The following NFIA variants were observed in gnomAD, a reference collection of about 807,000 sequenced individuals.
NFIA encodes the protein nuclear factor I A.
NFIA carries 8 observed loss-of-function variants against 62.8 expected under a neutral mutation model. The ratio of observed to expected loss-of-function variants is 0.13; its 90% CI spans 0.07 to 0.23. The LOEUF (loss-of-function observed/expected upper bound fraction) is 0.23. NFIA is among the 10% of genes least tolerant of loss of function. The pLI, the probability that NFIA is intolerant of heterozygous loss-of-function variation, is 1.00. For missense variants in NFIA, 410 were observed against 642.1 expected (o/e 0.64, Z 3.91); for synonymous variants, 235 against 238.1 (o/e 0.99, Z 0.12).
At chr1:61,257,024 T>C (rs1656442136) in intron 2 of NFIA, among the ~76,000 whole-genome samples, 2 of 152,224 alleles carry the variant, frequency 1.3e-5, no homozygotes, top group Non-Finnish European at 2.9e-5. Context: ...TTTTTTGTTT[T>C]GTTTTGTTTT....
upstream of NFIA, chr1:61,081,768 C>T (rs1425400167): frequency 2.6e-6 from 3 of 1,152,660 alleles, no homozygotes; most frequent in Admixed American, 4.9e-5. Context: ...TTCTGAATGC[C>T]ACAGGACCGA....
chr1:61,325,850 A>T lies in NFIA; in HGVS notation c.626-6662A>T, dbSNP rs376080592. Among the ~76,000 whole-genome samples, 13 of 148,632 alleles carry T rather than the reference A, an allele frequency of 8.7e-5. No homozygotes were observed. In the South Asian group the frequency reaches 1.5e-3, roughly 17 times the overall value. ...GGAGAATGGCATGAAAGATAATGGC[A>T]TGAAACCCAGAGGCGGAGCTTGCAG... On this transcript the variant is annotated intron_variant, in intron 3 of 10. Coordinates refer to ENST00000403491, the MANE Select transcript of NFIA (RefSeq NM_001134673.4).
intron 2 of NFIA, among the ~76,000 whole-genome samples, chr1:61,094,166 T>C (rs1217168151): frequency 6.6e-6 from 1 of 152,200 alleles, no homozygotes. Flanking sequence ...AATTTTCCCA[T>C]GGTTATTTAA....
chr1:61,373,199 G>A (rs1290165880), intron 6 of NFIA, among the ~76,000 whole-genome samples: 2 of 152,088 alleles, frequency 1.3e-5, no homozygotes, highest in Non-Finnish European at 2.9e-5. Flanking sequence ...CTAAGTAACA[G>A]GTGGAGGTCA....
intron 9 of NFIA, among the ~76,000 whole-genome samples, chr1:61,425,116 C>T (rs1454931059): frequency 1.3e-5 from 2 of 152,204 alleles, no homozygotes; most frequent in Non-Finnish European, 2.9e-5. Flanking sequence ...AGCCTCTGTT[C>T]AGTGCCGTTT....
chr1:61,432,857 T>C (rs929026759), intron 10 of NFIA, among the ~76,000 whole-genome samples: 2 of 152,036 alleles, frequency 1.3e-5, no homozygotes, highest in Non-Finnish European at 2.9e-5. Context: ...AAATGAATAT[T>C]CTACAGCACC....
intron 2 of NFIA, among the ~76,000 whole-genome samples, chr1:61,185,960 A>ATTATCTTT (rs1473056208): frequency 6.6e-6 from 1 of 152,194 alleles, no homozygotes; most frequent in Non-Finnish European, 1.5e-5. Flanking sequence ...TCCCACAAGG[A>ATTATCTTT]TGCAAACTAC....
At chr1:61,157,452 TA>T (rs746612875) in intron 2 of NFIA, among the ~76,000 whole-genome samples, 7 of 152,214 alleles carry the variant, frequency 4.6e-5, no homozygotes, top group Admixed American at 6.5e-5. Context: ...TCAAATTAAG[TA>T]ATGGATGGGC....
chr1:61,181,442 AT>A (rs1169502063), intron 2 of NFIA, among the ~76,000 whole-genome samples: 1 of 152,210 alleles, frequency 6.6e-6, no homozygotes, highest in Admixed American at 6.5e-5. Flanking sequence ...GAATATTTAC[AT>A]TTGTAACATA....
chr1:61,372,166 G>A (rs1185853251), intron 6 of NFIA, among the ~76,000 whole-genome samples: 1 of 152,046 alleles, frequency 6.6e-6, no homozygotes, highest in Non-Finnish European at 1.5e-5. Context: ...GGAGAAAAAA[G>A]GGTGAATCAT....
At chr1:61,079,783 G>C (rs891800081), upstream of NFIA, among the ~76,000 whole-genome samples, 6 of 152,166 alleles carry the variant, frequency 3.9e-5, no homozygotes, top group African/African-American at 1.4e-4. Context: ...CTCTGGACAA[G>C]GATTTACTTT....
At chr1:61,423,854 C>T (rs920484286) in intron 9 of NFIA, among the ~76,000 whole-genome samples, 1 of 152,018 alleles carries the variant, frequency 6.6e-6, no homozygotes, top group African/African-American at 2.4e-5. Flanking sequence ...TTCTTTCTTC[C>T]TTCCTTTATT....
intron 2 of NFIA, among the ~76,000 whole-genome samples, chr1:61,276,032 T>G (rs1326392821): frequency 6.6e-6 from 1 of 152,176 alleles, no homozygotes; most frequent in Non-Finnish European, 1.5e-5. Flanking sequence ...ATTTTGTTTG[T>G]GTCTTCTCTG....
chr1:61,147,340 G>A (rs1410471563), intron 2 of NFIA, among the ~76,000 whole-genome samples: 1 of 152,056 alleles, frequency 6.6e-6, no homozygotes. Context: ...TAGTAGAGAC[G>A]AGGTTTCACC....
chr1:61,423,212 C>T (rs887199419), intron 9 of NFIA, among the ~76,000 whole-genome samples: 2 of 150,256 alleles, frequency 1.3e-5, no homozygotes, highest in African/African-American at 4.9e-5. Context: ...TGGTTCATAG[C>T]GCTATTGCTA....
At chr1:61,198,418 G>T (rs1322403605) in intron 2 of NFIA, among the ~76,000 whole-genome samples, 2 of 152,176 alleles carry the variant, frequency 1.3e-5, no homozygotes, top group Non-Finnish European at 2.9e-5. Flanking sequence ...GTGCCTTGCT[G>T]TGTGTTCTGT....
chr1:61,280,582 A>G (rs1658072341), intron 3 of NFIA, among the ~76,000 whole-genome samples: 1 of 152,220 alleles, frequency 6.6e-6, no homozygotes, highest in African/African-American at 2.4e-5. Context: ...AAATGGTAAC[A>G]CGCTGTTTCA....
chr1:61,346,547 T>A (rs1174892362), intron 4 of NFIA, among the ~76,000 whole-genome samples: 1 of 152,284 alleles, frequency 6.6e-6, no homozygotes, highest in South Asian at 2.1e-4. Flanking sequence ...AAGTGCACAA[T>A]TGGGAACAGG....
intron 2 of NFIA, among the ~76,000 whole-genome samples, chr1:61,173,449 G>T (rs1421903519): frequency 6.6e-6 from 1 of 152,044 alleles, no homozygotes; most frequent in African/African-American, 2.4e-5. Context: ...GTGCAGTGGC[G>T]TGATCTCGGC....
Sources: allele counts gnomAD v4.1 joint callset (sites outside exome capture counted in the v4.1 genomes callset), GRCh38; gene constraint gnomAD v4.1.1; transcripts MANE v1.5; gene names NCBI Gene and HGNC (gene_info 2026-07-23, HGNC 2026-07-21).